Variants in SSBP2 observed in about 807,000 individuals in gnomAD.
SSBP2 encodes single-stranded DNA-binding protein 2.
A neutral mutation model predicts 61.8 loss-of-function variants in SSBP2; 17 were observed. That is an observed-to-expected ratio of 0.28 (90% CI 0.19 to 0.41). The LOEUF is 0.41. Ranked by LOEUF, SSBP2 falls within the 10% of genes least tolerant of loss-of-function variation. The pLI is 1.00. For missense variants in SSBP2, 310 were observed against 458.7 expected, an observed-to-expected ratio of 0.68 and a Z score of 2.96; for synonymous variants, 139 against 141.3, an observed-to-expected ratio of 0.98 and a Z score of 0.12.
chr5:81,600,251 G>C (rs1479978135), intron 4 of SSBP2, among the ~76,000 whole-genome samples: 27 of 152,008 alleles, frequency 1.8e-4, no homozygotes, highest in Admixed American at 1.8e-3. Flanking sequence ...CAAAGCTAAA[G>C]ATCCTACATA....
intron 1 of SSBP2, among the ~76,000 whole-genome samples, chr5:81,677,093 C>T (rs971596315): frequency 4.6e-5 from 7 of 152,064 alleles, no homozygotes; most frequent in African/African-American, 1.7e-4. Flanking sequence ...TAATAATATT[C>T]GTTTAAGGCC....
In SSBP2 at chr5:81,696,830, C is replaced by T. The variant is rs1187575949; in HGVS notation, c.63-46491G>A. Among the ~76,000 whole-genome samples the T allele has an allele frequency of 3.9e-5, 6 of 152,210 alleles. No homozygotes were observed. The East Asian group carries it at 1.2e-3, about 29-fold the overall frequency. ...AAGTATGAGGAGATGAAACTATAAA[C>T]TGCTACGGAGCAGGAACCTTGCATG... On this transcript the variant is annotated intron_variant, in intron 1 of 16. Coordinates refer to ENST00000320672, the MANE Select transcript of SSBP2 (RefSeq NM_012446.5).
intron 3 of SSBP2, among the ~76,000 whole-genome samples, chr5:81,633,859 A>G (rs1194624461): frequency 1.3e-5 from 2 of 152,226 alleles, no homozygotes; most frequent in African/African-American, 2.4e-5. Context: ...CAATGATTAT[A>G]CACTAGTTCA....
At position 81,473,742 on chromosome 5, in the gene SSBP2, C is replaced by T. The variant is rs774113232; in HGVS notation, c.528G>A (p.Gln176=). The T allele has an allele frequency of 9.9e-6, 16 of 1,613,824 alleles. No homozygotes were observed. Among genetic ancestry groups the T allele is most frequent in the Non-Finnish European group, 1.3e-5 (15 of 1,179,910 alleles). ...CCATTCCTCTTGGAGGAGTCATTCT[C>T]TGCATTGGCCCACCCATATTTGGAT... is the stretch of plus-strand genomic sequence containing the variant. The change falls in exon 8 of 17, where the codon CAG becomes CAA. Residue 176 remains glutamine (Q), a synonymous_variant. Coordinates refer to ENST00000320672, the MANE Select transcript of SSBP2 (RefSeq NM_012446.5).
Position 81,545,909 on chromosome 5 carries a change from A to G in SSBP2, c.283-32192T>C, listed in dbSNP as rs142595755. 5.8e-3 allele frequency among the ~76,000 whole-genome samples: 887 copies of G among 151,884 alleles called. 11 individuals carry two copies. Among genetic ancestry groups the G allele is most frequent in the African/African-American group, 0.021 (860 of 41,424 alleles). ...CCTTTGCTCCCAGAATCCAATGTCCACTCCATTCTTGGTGAGCTAGACAGA... is the reference window on the plus strand; with the variant it reads ...CCTTTGCTCCCAGAATCCAATGTCCGCTCCATTCTTGGTGAGCTAGACAGA... On this transcript the variant is annotated intron_variant, in intron 4 of 16. Transcript: ENST00000320672.
chr5:81,625,954 C>T (rs1747103737), intron 3 of SSBP2, among the ~76,000 whole-genome samples: 1 of 152,120 alleles, frequency 6.6e-6, no homozygotes, highest in Admixed American at 6.5e-5. Context: ...AGGAACAAGC[C>T]ACGTTGTTAT....
intron 1 of SSBP2, among the ~76,000 whole-genome samples, chr5:81,741,335 G>A (rs1757010447): frequency 6.6e-6 from 1 of 152,182 alleles, no homozygotes; most frequent in South Asian, 2.1e-4. Flanking sequence ...ATAGAAGGCG[G>A]GAGTGGGGAG....
intron 5 of SSBP2, among the ~76,000 whole-genome samples, chr5:81,508,018 T>C (rs942928347): frequency 6.6e-6 from 1 of 152,178 alleles, no homozygotes; most frequent in Non-Finnish European, 1.5e-5. Flanking sequence ...TGCCTGTCCT[T>C]TTGTATGAAT....
At chr5:81,722,956 A>C (rs1413649731) in intron 1 of SSBP2, among the ~76,000 whole-genome samples, 1 of 151,918 alleles carries the variant, frequency 6.6e-6, no homozygotes, top group African/African-American at 2.4e-5. Context: ...TTTTGATGAA[A>C]CCTCAGACAC....
intron 1 of SSBP2, among the ~76,000 whole-genome samples, chr5:81,665,419 C>T (rs890495166): frequency 6.6e-6 from 1 of 152,152 alleles, no homozygotes; most frequent in African/African-American, 2.4e-5. Flanking sequence ...ACCCTTAAAT[C>T]CCGGTATCAG....
intron 4 of SSBP2, among the ~76,000 whole-genome samples, chr5:81,538,467 A>C (rs1770989094): frequency 6.6e-6 from 1 of 152,190 alleles, no homozygotes; most frequent in Admixed American, 6.5e-5. Context: ...TATCCAGAAG[A>C]TCTAGCTAAG....
At chr5:81,520,215 C>T (rs191670989) in intron 4 of SSBP2, among the ~76,000 whole-genome samples, 13 of 152,180 alleles carry the variant, frequency 8.5e-5, no homozygotes, top group African/African-American at 2.6e-4. Context: ...AAACTCCTGA[C>T]CTCAAGTGAT....
At chr5:81,649,685 C>G (rs908659879) in intron 2 of SSBP2, among the ~76,000 whole-genome samples, 1 of 151,776 alleles carries the variant, frequency 6.6e-6, no homozygotes, top group African/African-American at 2.4e-5. Flanking sequence ...TGCTTACTAC[C>G]TGGTGACAGT....
At chr5:81,429,774 T>C (rs1762173961) in intron 15 of SSBP2, among the ~76,000 whole-genome samples, 1 of 152,196 alleles carries the variant, frequency 6.6e-6, no homozygotes, top group Non-Finnish European at 1.5e-5. Flanking sequence ...TAACATTTCA[T>C]GAATGAGTTA....
intron 15 of SSBP2, among the ~76,000 whole-genome samples, chr5:81,430,283 G>T (rs894345585): frequency 3.3e-5 from 5 of 151,962 alleles, no homozygotes; most frequent in Non-Finnish European, 5.9e-5. Flanking sequence ...TATATATAAT[G>T]GAGAAATTGG....
intron 1 of SSBP2, among the ~76,000 whole-genome samples, chr5:81,674,492 T>C (rs1751812730): frequency 6.6e-6 from 1 of 152,208 alleles, no homozygotes; most frequent in South Asian, 2.1e-4. Context: ...CAATGACAGT[T>C]GGTTAAATGA....
chr5:81,565,904 A>G (rs898374468), intron 4 of SSBP2, among the ~76,000 whole-genome samples: 45 of 152,194 alleles, frequency 3.0e-4, no homozygotes, highest in African/African-American at 1.0e-3. Flanking sequence ...TCTGGCTAAC[A>G]TGGAGACCTC....
At chr5:81,578,562 G>A (rs542824505) in intron 4 of SSBP2, among the ~76,000 whole-genome samples, 3 of 151,288 alleles carry the variant, frequency 2.0e-5, no homozygotes, top group African/African-American at 7.3e-5. Flanking sequence ...AGCAGTAAAA[G>A]GGAAAGAAAA....
At chr5:81,714,930 A>ATT (rs34470032) in intron 1 of SSBP2, among the ~76,000 whole-genome samples, 1 of 150,746 alleles carries the variant, frequency 6.6e-6, no homozygotes, top group African/African-American at 2.4e-5. Flanking sequence ...AAAGAACTGG[A>ATT]TTTTTTTTTT....
Sources: allele counts gnomAD v4.1 joint callset (sites outside exome capture counted in the v4.1 genomes callset), GRCh38; gene constraint gnomAD v4.1.1; transcripts MANE v1.5; gene names NCBI Gene and HGNC (gene_info 2026-07-23, HGNC 2026-07-21).